DPYSL5: variants seen among roughly 807,000 people sequenced by gnomAD.
The protein encoded by DPYSL5 is dihydropyrimidinase like 5.
In DPYSL5, 9 loss-of-function variants were observed where a neutral mutation model predicts 58.4. The ratio of observed to expected loss-of-function variants is 0.15; its 90% CI spans 0.09 to 0.27. The LOEUF is 0.27. Ranked by LOEUF, DPYSL5 falls within the 10% of genes least tolerant of loss-of-function variation. The pLI is 1.00. For missense variants in DPYSL5, 499 were observed against 770.6 expected, an observed-to-expected ratio of 0.65 and a Z score of 4.17; for synonymous variants, 293 against 301.9, an observed-to-expected ratio of 0.97 and a Z score of 0.31.
At chr2:26,860,077 T>G (rs1184752893) in intron 1 of DPYSL5, among the ~76,000 whole-genome samples, 1 of 152,174 alleles carries the variant, frequency 6.6e-6, no homozygotes, top group African/African-American at 2.4e-5. Context: ...CCTTGTGAAC[T>G]AAAGGGATGC....
chr2:26,897,176 T>G (rs1466790890), intron 1 of DPYSL5, among the ~76,000 whole-genome samples: 3 of 152,242 alleles, frequency 2.0e-5, no homozygotes, highest in Non-Finnish European at 4.4e-5. Context: ...TTTTCTTTCC[T>G]TATAGTGCTG....
At chr2:26,896,163 A>G (rs1028178560) in intron 1 of DPYSL5, among the ~76,000 whole-genome samples, 1 of 151,942 alleles carries the variant, frequency 6.6e-6, no homozygotes, top group African/African-American at 2.4e-5. Flanking sequence ...TGCTTGGCTT[A>G]TTTTACTTAA....
At chr2:26,936,362 C>T (rs1440367174) in intron 8 of DPYSL5, among the ~76,000 whole-genome samples, 2 of 152,172 alleles carry the variant, frequency 1.3e-5, no homozygotes, top group African/African-American at 4.8e-5. Flanking sequence ...TTCTGGTTGC[C>T]AACCACTGGA....
chr2:26,898,365 C>A lies in DPYSL5; in HGVS notation c.-4-131C>A. On this transcript the variant is annotated intron_variant, in intron 1 of 12. Coordinates refer to ENST00000288699, the MANE Select transcript of DPYSL5 (RefSeq NM_020134.4). This position sits in a 1 kb window ranked among gnomAD's most constrained non-coding sequence, Gnocchi z 6.1. ...GTGGGAGGCTTGTGACTCCCGCTGGCTGTAGGGGAAAGTTCCTCCTCTTCT... is the reference window on the plus strand; with the variant it reads ...GTGGGAGGCTTGTGACTCCCGCTGGATGTAGGGGAAAGTTCCTCCTCTTCT... 7.7e-7 allele frequency: 1 copy of A among 1,290,712 alleles called. No homozygotes were observed. The highest frequency in any genetic ancestry group is 1.1e-6 in the Non-Finnish European group (1 of 928,708). The allele number at this position is 1,290,712 out of a possible 1,614,324, so 80.0% of individuals were successfully genotyped here.
chr2:26,851,389 A>C (rs1222975473), intron 1 of DPYSL5, among the ~76,000 whole-genome samples: 2 of 52,134 alleles, frequency 3.8e-5, no homozygotes, highest in African/African-American at 3.4e-4. Flanking sequence ...AAACATTAGC[A>C]GGGTTGTTGC....
chr2:26,928,746 C>T (rs1664895692), intron 5 of DPYSL5, among the ~76,000 whole-genome samples: 1 of 89,092 alleles, frequency 1.1e-5, no homozygotes, highest in Non-Finnish European at 2.5e-5. Context: ...CACACGCACA[C>T]ACATACGTGT....
intron 1 of DPYSL5, among the ~76,000 whole-genome samples, chr2:26,865,702 A>G (rs1666123760): frequency 6.6e-6 from 1 of 152,186 alleles, no homozygotes; most frequent in Non-Finnish European, 1.5e-5. Flanking sequence ...GTGGCCCATT[A>G]GAAAGACCTT....
chr2:26,868,086 G>A (rs1663154592), intron 1 of DPYSL5, among the ~76,000 whole-genome samples: 1 of 152,084 alleles, frequency 6.6e-6, no homozygotes, highest in Non-Finnish European at 1.5e-5. Flanking sequence ...TCCTGTATTT[G>A]CATTTCCTTG....
At chr2:26,902,988 A>G (rs1223736621) in intron 2 of DPYSL5, among the ~76,000 whole-genome samples, 2 of 152,158 alleles carry the variant, frequency 1.3e-5, no homozygotes, top group Non-Finnish European at 2.9e-5. Context: ...TCATCAAGAA[A>G]TGACTGTAAA....
chr2:26,940,940 T>A (rs34088204), intron 9 of DPYSL5, among the ~76,000 whole-genome samples: 55,779 of 112,062 alleles, frequency 0.5, 11,964 homozygotes, highest in East Asian at 0.61. Flanking sequence ...TATTATTATT[T>A]ATTTTTTTTT....
At chr2:26,887,900 G>C (rs1663759585) in intron 1 of DPYSL5, among the ~76,000 whole-genome samples, 1 of 152,196 alleles carries the variant, frequency 6.6e-6, no homozygotes, top group African/African-American at 2.4e-5. Context: ...AATCCTCTTG[G>C]AGGAGACAAG....
At chr2:26,911,870 G>T (rs1572702340) in intron 2 of DPYSL5, among the ~76,000 whole-genome samples, 1 of 152,306 alleles carries the variant, frequency 6.6e-6, no homozygotes, top group East Asian at 1.9e-4. Flanking sequence ...GTTTAGGAGG[G>T]CACTTTGGCT....
intron 2 of DPYSL5, among the ~76,000 whole-genome samples, chr2:26,900,263 G>A (rs964246342): frequency 3.3e-5 from 5 of 152,152 alleles, no homozygotes; most frequent in African/African-American, 7.2e-5. Flanking sequence ...CAGCTTAATC[G>A]AGATATAATT....
chr2:26,883,929 G>C (rs1439048928), intron 1 of DPYSL5, among the ~76,000 whole-genome samples: 1 of 152,136 alleles, frequency 6.6e-6, no homozygotes, highest in Non-Finnish European at 1.5e-5. Flanking sequence ...GCCCACACCT[G>C]AGGTCTCCAG....
rs1394894953 is a variant in DPYSL5 at position 26,928,451 on chromosome 2, T to A, written c.669+128T>A. On this transcript the variant is annotated intron_variant, in intron 5 of 12. Coordinates refer to ENST00000288699, the MANE Select transcript of DPYSL5 (RefSeq NM_020134.4). ...GGGCTCATGTCTGTAATCCCAACATTTGGGAGGCTGAGGTGGGTGGATGGC... is the reference window on the plus strand; with the variant it reads ...GGGCTCATGTCTGTAATCCCAACATATGGGAGGCTGAGGTGGGTGGATGGC... The A allele has an allele frequency of 6.6e-6, 7 of 1,061,638 alleles. No homozygotes were observed. The East Asian group carries it at 1.6e-4, about 24-fold the overall frequency. The allele number at this position is 1,061,638 out of a possible 1,614,324, so 65.8% of individuals were successfully genotyped here.
At chr2:26,873,718 A>C (rs1448824350) in intron 1 of DPYSL5, among the ~76,000 whole-genome samples, 3 of 152,192 alleles carry the variant, frequency 2.0e-5, no homozygotes, top group African/African-American at 7.2e-5. Context: ...TGAACAAATC[A>C]AAAGAAAAAG....
At chr2:26,903,097 T>C (rs1664202236) in intron 2 of DPYSL5, among the ~76,000 whole-genome samples, 1 of 151,424 alleles carries the variant, frequency 6.6e-6, no homozygotes, top group African/African-American at 2.4e-5. Flanking sequence ...TGAAATGAAG[T>C]CTCACACTGT....
intron 1 of DPYSL5, among the ~76,000 whole-genome samples, chr2:26,867,490 C>T (rs1410368481): frequency 2.9e-5 from 4 of 137,106 alleles, no homozygotes; most frequent in African/African-American, 1.1e-4. Flanking sequence ...GAGTCTCGCT[C>T]TGTCGCCCAG....
intron 1 of DPYSL5, among the ~76,000 whole-genome samples, chr2:26,868,587 A>G (rs1462254534): frequency 3.3e-5 from 5 of 152,176 alleles, no homozygotes; most frequent in African/African-American, 1.2e-4. Context: ...TTCATTGCAT[A>G]AGTCATTTTC....
Sources: gnomAD v4.1 joint callset for allele counts (sites outside exome capture counted in the v4.1 genomes callset) on GRCh38, gnomAD v4.1.1 for gene constraint, Gnocchi (gnomAD v3.1) non-coding constraint, MANE v1.5 for transcripts, NCBI Gene and HGNC (gene_info 2026-07-23, HGNC 2026-07-21) for gene names.